Variants in SLX4IP observed in about 807,000 individuals in gnomAD.
SLX4IP encodes the protein protein SLX4IP.
Under a neutral mutation model 32.9 loss-of-function variants are expected in SLX4IP, and 34 were observed. The ratio of observed to expected loss-of-function variants is 1.03; its 90% CI spans 0.79 to 1.38. The LOEUF is 1.38. Ranked by LOEUF, SLX4IP falls within the 40% of genes most tolerant of loss-of-function variation. SLX4IP has a pLI of 0.00. For missense variants in SLX4IP, 444 were observed against 479.0 expected (o/e 0.93, Z 0.68); for synonymous variants, 172 against 171.7 (o/e 1.00, Z -0.01).
chr20:10,511,082 T>C (rs1185875892), intron 2 of SLX4IP, among the ~76,000 whole-genome samples: 1 of 152,230 alleles, frequency 6.6e-6, no homozygotes, highest in African/African-American at 2.4e-5. Flanking sequence ...TCCCTCCATT[T>C]ACCTTTTTGG....
At chr20:10,584,364 CTGTT>C (rs1293820939) in intron 4 of SLX4IP, among the ~76,000 whole-genome samples, 3 of 152,280 alleles carry the variant, frequency 2.0e-5, no homozygotes, top group Non-Finnish European at 2.9e-5. Flanking sequence ...AGCTAAAGGC[CTGTT>C]TGTTTGTGTT....
chr20:10,556,324 C>G lies in SLX4IP; in HGVS notation c.117+4C>G. ...GTTTTCTGAACAGAAGAAAGAGGTA[C>G]AACAAAACTTTCTACTATTTAATTG... On this transcript the variant is annotated splice_donor_region_variant and intron_variant, in intron 3 of 7. Coordinates refer to ENST00000334534, the MANE Select transcript of SLX4IP (RefSeq NM_001009608.3). The G allele has an allele frequency of 6.2e-7, 1 of 1,611,228 alleles. No individual in the cohort carries two copies. The highest frequency in any genetic ancestry group is 1.1e-5 in the South Asian group (1 of 90,176).
At chr20:10,436,184 G>A (rs1387782113) in intron 1 of SLX4IP, among the ~76,000 whole-genome samples, 4 of 152,102 alleles carry the variant, frequency 2.6e-5, no homozygotes, top group Admixed American at 2.6e-4. Context: ...TTAGGGCCTT[G>A]TTGCTCCAAG....
intron 2 of SLX4IP, among the ~76,000 whole-genome samples, chr20:10,508,184 A>G (rs940107608): frequency 2.0e-5 from 3 of 152,208 alleles, no homozygotes; most frequent in Admixed American, 2.0e-4. Context: ...GGCCGGAGTC[A>G]GCCAGTGTGT....
chr20:10,483,203 C>G (rs1322194895), intron 2 of SLX4IP, among the ~76,000 whole-genome samples: 1 of 152,156 alleles, frequency 6.6e-6, no homozygotes, highest in African/African-American at 2.4e-5. Flanking sequence ...AACTGCAACC[C>G]CAGCCCCCTG....
At chr20:10,459,747 T>C (rs1241355809) in intron 2 of SLX4IP, among the ~76,000 whole-genome samples, 1 of 152,190 alleles carries the variant, frequency 6.6e-6, no homozygotes, top group Admixed American at 6.5e-5. Context: ...CCTTGATGGC[T>C]GGGGTTGAGA....
chr20:10,570,538 C>CT (rs889302106), intron 4 of SLX4IP, among the ~76,000 whole-genome samples: 2 of 144,310 alleles, frequency 1.4e-5, no homozygotes, highest in African/African-American at 2.6e-5. Context: ...TTTTTTTTTT[C>CT]TTTTTTTTGA....
chr20:10,473,415 A>C (rs532585221), intron 2 of SLX4IP, among the ~76,000 whole-genome samples: 1 of 152,214 alleles, frequency 6.6e-6, no homozygotes, highest in Non-Finnish European at 1.5e-5. Context: ...GAGAGGGTTA[A>C]ATAAAAGGAT....
intron 2 of SLX4IP, among the ~76,000 whole-genome samples, chr20:10,551,772 C>T (rs547747336): frequency 2.0e-5 from 3 of 152,270 alleles, no homozygotes; most frequent in East Asian, 3.9e-4. Context: ...ATGGAAGCAG[C>T]GAGGCAAGTT....
In SLX4IP at chr20:10,626,009, C is replaced by CTTTTTTTT. The variant is rs148432517; in HGVS notation, c.*2646_*2653dup. ...TGGGAATGGTATGTGTTTTGACATT[C>CTTTTTTTT]TTTTTTTTTTTTTTTTTTTTTTTGA... On this transcript the variant is annotated 3_prime_UTR_variant, in exon 8 of 8. Coordinates refer to ENST00000334534, the MANE Select transcript of SLX4IP (RefSeq NM_001009608.3). 1.2e-5 allele frequency: 1 copy of CTTTTTTTT among 81,218 alleles called. No homozygotes were observed. The highest frequency in any genetic ancestry group is 2.4e-5 in the Non-Finnish European group (1 of 41,816). 5.0% of individuals were successfully genotyped at this position (81,218 alleles called of 1,614,324 possible).
intron 2 of SLX4IP, among the ~76,000 whole-genome samples, chr20:10,496,516 A>G (rs1427973732): frequency 6.6e-6 from 1 of 152,180 alleles, no homozygotes; most frequent in Non-Finnish European, 1.5e-5. Context: ...ACCTACCATC[A>G]GGGACCCAGG....
At chr20:10,583,295 A>G (rs183525021) in intron 4 of SLX4IP, among the ~76,000 whole-genome samples, 147 of 152,338 alleles carry the variant, frequency 9.6e-4, no homozygotes, top group African/African-American at 3.3e-3. Context: ...GTCATCAACT[A>G]TCTAGTCCAT....
intron 2 of SLX4IP, among the ~76,000 whole-genome samples, chr20:10,546,312 GTTCATAGTT>G (rs1012423956): frequency 1.3e-5 from 2 of 152,192 alleles, no homozygotes; most frequent in African/African-American, 4.8e-5. Context: ...TAAGAGGAGA[GTTCATAGTT>G]TTACTTGTAA....
intron 1 of SLX4IP, among the ~76,000 whole-genome samples, chr20:10,456,485 G>T (rs2065286694): frequency 2.0e-5 from 3 of 152,082 alleles, no homozygotes; most frequent in African/African-American, 7.2e-5. Context: ...GGGATTACAG[G>T]TGCATGCCAC....
At chr20:10,598,870 G>C (rs528648697) in intron 5 of SLX4IP, 118 bp downstream of exon 5, 2 of 994,166 alleles carry the variant, frequency 2.0e-6, no homozygotes, top group Non-Finnish European at 3.1e-6. Context: ...TTCATGTCTT[G>C]AGTGTGTCCG....
At chr20:10,601,945 G>A in intron 6 of SLX4IP, 126 bp downstream of exon 6, 1 of 759,068 alleles carries the variant, frequency 1.3e-6, no homozygotes, top group Non-Finnish European at 2.2e-6. Context: ...TGTTTTAAGG[G>A]AACAAGAAGC....
intron 4 of SLX4IP, among the ~76,000 whole-genome samples, chr20:10,573,361 A>T (rs889218481): frequency 1.3e-5 from 2 of 152,250 alleles, no homozygotes; most frequent in African/African-American, 4.8e-5. Flanking sequence ...TTTCTCACAC[A>T]TTAACAACAA....
chr20:10,447,696 C>A (rs1395415305), intron 1 of SLX4IP, among the ~76,000 whole-genome samples: 1 of 150,354 alleles, frequency 6.7e-6, no homozygotes, highest in African/African-American at 2.4e-5. Context: ...TGCCTTTTTT[C>A]TTCTTTAGTT....
In SLX4IP at chr20:10,623,090, T is replaced by A; in HGVS notation, c.938T>A (p.Leu313His). The A allele has an allele frequency of 6.2e-7, 1 of 1,614,156 alleles. No individual in the cohort carries two copies. Among genetic ancestry groups the A allele is most frequent in the African/African-American group, 1.3e-5 (1 of 75,040 alleles). Residue 313 changes from leucine (L) to histidine (H), a missense_variant, in exon 8 of 8, where the codon CTT becomes CAT. Leu to His is a moderately conservative substitution (Grantham distance 99, BLOSUM62 -3). Transcript: ENST00000334534. ...EDFDHHGRVS[L>H]GSDRLVPREI... Reference sequence around the variant, plus strand: ...TTCGACCACCACGGGAGAGTTTCTCTTGGAAGTGATCGATTAGTCCCGAGA... The same window carrying A: ...TTCGACCACCACGGGAGAGTTTCTCATGGAAGTGATCGATTAGTCCCGAGA...
Sources: allele counts gnomAD v4.1 joint callset (sites outside exome capture counted in the v4.1 genomes callset), GRCh38; gene constraint gnomAD v4.1.1; transcripts MANE v1.5; gene names NCBI Gene and HGNC (gene_info 2026-07-23, HGNC 2026-07-21).